The following LGR6 variants were observed in gnomAD, a reference collection of about 807,000 sequenced individuals.
LGR6 encodes the protein leucine rich repeat containing G protein-coupled receptor 6.
LGR6 carries 45 observed loss-of-function variants against 69.4 expected under a neutral mutation model. The ratio of observed to expected loss-of-function variants is 0.65; its 90% CI spans 0.51 to 0.83. LGR6 has a LOEUF of 0.83. LGR6 is among the 40% of genes least tolerant of loss of function. The pLI is 0.00. For missense variants in LGR6, 1,108 were observed against 1,246.7 expected, an observed-to-expected ratio of 0.89 and a Z score of 1.68; for synonymous variants, 538 against 555.0, an observed-to-expected ratio of 0.97 and a Z score of 0.43.
intron 4 of LGR6, among the ~76,000 whole-genome samples, chr1:202,263,413 C>T (rs760073265): frequency 3.3e-5 from 5 of 152,288 alleles, no homozygotes; most frequent in Admixed American, 1.3e-4. Context: ...CATGAGCCAC[C>T]GCGCCCGGCC....
Position 202,234,829 on chromosome 1 carries a change from G to T in LGR6, c.357-1093G>T, listed in dbSNP as rs112936028. ...ATTACCTTAATGATTGTGCACCAAG[G>T]CTTCCCCCTCTGAAAGATGGATGGA... is the stretch of plus-strand genomic sequence containing the variant. On this transcript the variant is annotated intron_variant, in intron 3 of 17. Coordinates refer to ENST00000367278, the MANE Select transcript of LGR6 (RefSeq NM_001017403.2). Among the ~76,000 whole-genome samples the T allele has an allele frequency of 3.3e-5, 5 of 152,254 alleles. No individual in the cohort carries two copies. The East Asian group carries it at 9.6e-4, about 29-fold the overall frequency.
At chr1:202,204,689 A>T (rs1445265460) in intron 1 of LGR6, among the ~76,000 whole-genome samples, 1 of 37,834 alleles carries the variant, frequency 2.6e-5, no homozygotes, top group African/African-American at 8.6e-5. Context: ...ACACACACAC[A>T]CCCCCAAACA....
intron 1 of LGR6, among the ~76,000 whole-genome samples, chr1:202,208,465 G>A (rs1659339690): frequency 6.6e-6 from 1 of 151,968 alleles, no homozygotes; most frequent in Admixed American, 6.6e-5. Context: ...TGATGTGAGG[G>A]AGGTGCCAGG....
intron 1 of LGR6, among the ~76,000 whole-genome samples, chr1:202,219,746 G>A (rs554451018): frequency 8.5e-5 from 13 of 152,112 alleles, no homozygotes; most frequent in Non-Finnish European, 7.3e-5. Context: ...GATGACTAAG[G>A]TTAAGTCCTT....
intron 9 of LGR6, among the ~76,000 whole-genome samples, chr1:202,302,707 C>G (rs574328019): frequency 6.6e-6 from 1 of 152,022 alleles, no homozygotes; most frequent in African/African-American, 2.4e-5. Flanking sequence ...CCACCACGCC[C>G]GACTGCTTTT....
At chr1:202,250,706 G>A (rs2148058503) in intron 4 of LGR6, among the ~76,000 whole-genome samples, 1 of 152,092 alleles carries the variant, frequency 6.6e-6, no homozygotes, top group East Asian at 1.9e-4. Flanking sequence ...ACCCAGACTG[G>A]ATGTCCTTTT....
At chr1:202,229,623 G>T (rs984499229) in intron 3 of LGR6, among the ~76,000 whole-genome samples, 2 of 152,244 alleles carry the variant, frequency 1.3e-5, no homozygotes, top group Non-Finnish European at 2.9e-5. Flanking sequence ...AAGCTTCAGA[G>T]AAACCACAGG....
intron 1 of LGR6, among the ~76,000 whole-genome samples, chr1:202,208,557 C>T (rs942607596): frequency 3.3e-5 from 5 of 151,948 alleles, no homozygotes; most frequent in Admixed American, 2.0e-4. Context: ...ATCAGCACCT[C>T]GAGGGCTGTG....
Position 202,194,093 on chromosome 1 carries a change from GC to G in LGR6, c.107del (p.Pro36ArgfsTer32). On this transcript the variant is annotated frameshift_variant, in exon 1 of 18. Transcript: ENST00000367278. LOFTEE classifies it high-confidence loss of function. Reference protein sequence around the residue: ...APQPGPGPTACPAPCHCQEDG... With the variant: ...APQPGPGPTAXPAPCHCQEDG... ...CAGCCCGGCCCGGGGCCCACCGCCT[GC>G]CCGGCCCCCTGCCACTGCCAGGAGG... 1 of 1,531,690 alleles carries G rather than the reference GC, an allele frequency of 6.5e-7. No homozygotes were observed. 94.9% of individuals were successfully genotyped at this position (1,531,690 alleles called of 1,614,324 possible).
At chr1:202,241,861 A>G (rs929015814) in intron 4 of LGR6, among the ~76,000 whole-genome samples, 1 of 152,296 alleles carries the variant, frequency 6.6e-6, no homozygotes, top group African/African-American at 2.4e-5. Flanking sequence ...AATGCGAAGG[A>G]CAGCCACATG....
At chr1:202,227,177 A>T (rs1345120119) in intron 2 of LGR6, among the ~76,000 whole-genome samples, 2 of 152,188 alleles carry the variant, frequency 1.3e-5, no homozygotes, top group East Asian at 1.9e-4. Flanking sequence ...TATATGTTTT[A>T]AAAATAGTGT....
chr1:202,222,397 G>A (rs1296826406), intron 1 of LGR6, among the ~76,000 whole-genome samples: 1 of 152,110 alleles, frequency 6.6e-6, no homozygotes, highest in Non-Finnish European at 1.5e-5. Context: ...GCTAGTCAGG[G>A]TGGTGGGGCA....
At chr1:202,295,476 G>A (rs929972085) in intron 6 of LGR6, among the ~76,000 whole-genome samples, 1 of 152,136 alleles carries the variant, frequency 6.6e-6, no homozygotes, top group African/African-American at 2.4e-5. Context: ...TGAGATATGA[G>A]AATGAATCAT....
At chr1:202,267,604 C>T (rs1482792500) in intron 4 of LGR6, among the ~76,000 whole-genome samples, 1 of 152,046 alleles carries the variant, frequency 6.6e-6, no homozygotes, top group Non-Finnish European at 1.5e-5. Context: ...TTTCTGCATG[C>T]AAGATGGGAA....
intron 1 of LGR6, among the ~76,000 whole-genome samples, chr1:202,221,745 C>A (rs1571834065): frequency 6.6e-6 from 1 of 152,222 alleles, no homozygotes; most frequent in East Asian, 1.9e-4. Context: ...TCCCATGACC[C>A]CCACTTCTTG....
At chr1:202,244,815 A>G (rs574351221) in intron 4 of LGR6, among the ~76,000 whole-genome samples, 10 of 152,208 alleles carry the variant, frequency 6.6e-5, no homozygotes, top group African/African-American at 2.2e-4. Flanking sequence ...CCTGTGAGAG[A>G]GCACTTGGGG....
chr1:202,222,233 C>T (rs1487677621), intron 1 of LGR6, among the ~76,000 whole-genome samples: 1 of 152,210 alleles, frequency 6.6e-6, no homozygotes, highest in Non-Finnish European at 1.5e-5. Context: ...AATGGGGCTC[C>T]CTCCACCCCT....
At chr1:202,255,047 C>G (rs1030630990) in intron 4 of LGR6, among the ~76,000 whole-genome samples, 4 of 152,178 alleles carry the variant, frequency 2.6e-5, no homozygotes, top group Admixed American at 2.6e-4. Context: ...TGGTTTGGTG[C>G]AGACACAGCT....
At chr1:202,274,883 A>T (rs1051280309) in intron 4 of LGR6, among the ~76,000 whole-genome samples, 9 of 152,196 alleles carry the variant, frequency 5.9e-5, no homozygotes, top group Non-Finnish European at 1.2e-4. Flanking sequence ...TCCTAACTAC[A>T]GCTTTTGAAG....
Sources: gnomAD v4.1 joint callset for allele counts (sites outside exome capture counted in the v4.1 genomes callset) on GRCh38, gnomAD v4.1.1 for gene constraint, MANE v1.5 for transcripts, NCBI Gene and HGNC (gene_info 2026-07-23, HGNC 2026-07-21) for gene names.